GPR158: variants seen among roughly 807,000 people sequenced by gnomAD.
GPR158 encodes the protein metabotropic glycine receptor.
GPR158 carries 30 observed loss-of-function variants against 78.2 expected under a neutral mutation model. The observed-to-expected ratio is 0.38, with a 90% CI of 0.29 to 0.52. The LOEUF is 0.52. GPR158 is among the 20% of genes least tolerant of loss of function. The pLI is 0.83. For synonymous variants in GPR158, 581 were observed against 591.1 expected, an observed-to-expected ratio of 0.98 and a Z score of 0.25; for missense variants, 1,463 against 1,523.5, an observed-to-expected ratio of 0.96 and a Z score of 0.66.
intron 4 of GPR158, among the ~76,000 whole-genome samples, chr10:25,443,287 G>A (rs371754403): frequency 2.0e-5 from 3 of 152,058 alleles, no homozygotes; most frequent in Non-Finnish European, 4.4e-5. Context: ...GGTTGTAGTG[G>A]CTCATGTCTG....
intron 5 of GPR158, among the ~76,000 whole-genome samples, chr10:25,501,665 T>C (rs1835947329): frequency 6.6e-6 from 1 of 152,118 alleles, no homozygotes; most frequent in African/African-American, 2.4e-5. Flanking sequence ...CAGTGTGCGC[T>C]CAGAGAGACG....
At chr10:25,567,614 A>C (rs1422154159) in intron 6 of GPR158, among the ~76,000 whole-genome samples, 1 of 152,166 alleles carries the variant, frequency 6.6e-6, no homozygotes, top group Non-Finnish European at 1.5e-5. Flanking sequence ...AGGAAAGCTG[A>C]GGGCAAAGGC....
intron 5 of GPR158, among the ~76,000 whole-genome samples, chr10:25,474,749 G>A (rs962485470): frequency 5.3e-5 from 8 of 152,198 alleles, no homozygotes; most frequent in Admixed American, 2.0e-4. Context: ...AAATAGGCAC[G>A]GAATGAGTGA....
chr10:25,248,076 G>C lies in GPR158; in HGVS notation c.1008+26919G>C, dbSNP rs375633110. Among the ~76,000 whole-genome samples the C allele has an allele frequency of 2.0e-5, 3 of 152,132 alleles. No individual in the cohort carries two copies. The East Asian group carries it at 5.8e-4, about 29-fold the overall frequency. On this transcript the variant is annotated intron_variant, in intron 2 of 10. Coordinates refer to ENST00000376351, the MANE Select transcript of GPR158 (RefSeq NM_020752.3). ...TTTATCTGATGGCCAGTGATGATGA[G>C]CATTTTTTCATGTGTTTTTTGGCTG...
At chr10:25,530,412 T>C (rs1836408191) in intron 5 of GPR158, among the ~76,000 whole-genome samples, 1 of 152,152 alleles carries the variant, frequency 6.6e-6, no homozygotes. Context: ...AAAATATTAT[T>C]ACGGATGTAG....
At chr10:25,490,876 A>T (rs1329040950) in intron 5 of GPR158, among the ~76,000 whole-genome samples, 1 of 152,284 alleles carries the variant, frequency 6.6e-6, no homozygotes, top group Non-Finnish European at 1.5e-5. Context: ...CAGTGTGTAT[A>T]CACAAAATAA....
chr10:25,316,905 GTGTGTTTA>G (rs1301331897), intron 2 of GPR158, among the ~76,000 whole-genome samples: 11 of 95,174 alleles, frequency 1.2e-4, no homozygotes, highest in African/African-American at 6.1e-4. Flanking sequence ...GTGTGTGTGT[GTGTGTTTA>G]TGTGTGTGTG....
intron 5 of GPR158, among the ~76,000 whole-genome samples, chr10:25,494,059 A>G (rs1014477194): frequency 1.3e-5 from 2 of 152,188 alleles, no homozygotes; most frequent in African/African-American, 4.8e-5. Context: ...CATCCATAAT[A>G]AAGTCACAAA....
chr10:25,289,152 A>G (rs4749018), intron 2 of GPR158, among the ~76,000 whole-genome samples: 38 of 152,232 alleles, frequency 2.5e-4, no homozygotes, highest in Non-Finnish European at 4.4e-5. Flanking sequence ...CATTTACCCA[A>G]AAACATTTAT....
At chr10:25,240,823 A>C (rs1214616319) in intron 2 of GPR158, among the ~76,000 whole-genome samples, 1 of 152,224 alleles carries the variant, frequency 6.6e-6, no homozygotes, top group Non-Finnish European at 1.5e-5. Flanking sequence ...CTTTTGGAAG[A>C]AATTCCTTAA....
At chr10:25,367,667 C>CTT (rs5783925) in intron 2 of GPR158, among the ~76,000 whole-genome samples, 121,505 of 151,402 alleles carry the variant, frequency 0.8, 49,724 homozygotes, top group Non-Finnish European at 0.86. Context: ...TTGTTTGTCT[C>CTT]TGACCTCTTC....
chr10:25,375,305 A>G (rs1017210372), intron 2 of GPR158, among the ~76,000 whole-genome samples: 1 of 151,642 alleles, frequency 6.6e-6, no homozygotes. Context: ...GCTTGCCATC[A>G]TTTCTCCCAA....
chr10:25,373,940 A>C lies in GPR158; in HGVS notation c.1009-21971A>C, dbSNP rs548130842. Among the ~76,000 whole-genome samples, 5 of 151,746 alleles carry C rather than the reference A, an allele frequency of 3.3e-5. 1 individual carries two copies. Among genetic ancestry groups the C allele is most frequent in the African/African-American group, 9.6e-5 (4 of 41,454 alleles). The stretch of plus-strand genomic sequence containing the variant: ...TGTAATGGATATGTCATTTAGGTCA[A>C]ATTTTTTGATTAGGTTGTTCAAATC... On this transcript the variant is annotated intron_variant, in intron 2 of 10. Coordinates refer to ENST00000376351, the MANE Select transcript of GPR158 (RefSeq NM_020752.3).
At chr10:25,589,826 C>A (rs539089011) in intron 8 of GPR158, among the ~76,000 whole-genome samples, 28 of 152,082 alleles carry the variant, frequency 1.8e-4, no homozygotes, top group Non-Finnish European at 3.5e-4. Context: ...GAAAATGTAT[C>A]CCTGATTCAT....
chr10:25,271,429 TTAAA>T (rs1854117271), intron 2 of GPR158, among the ~76,000 whole-genome samples: 1 of 152,182 alleles, frequency 6.6e-6, no homozygotes, highest in South Asian at 2.1e-4. Flanking sequence ...AACTCAAGTA[TTAAA>T]TGAGTCCAAG....
intron 2 of GPR158, among the ~76,000 whole-genome samples, chr10:25,265,259 A>C (rs1442201826): frequency 6.6e-6 from 1 of 152,144 alleles, no homozygotes. Context: ...CAGAAATGCT[A>C]GGTGCCATTT....
At chr10:25,570,662 C>A (rs1013543134) in intron 6 of GPR158, among the ~76,000 whole-genome samples, 2 of 152,140 alleles carry the variant, frequency 1.3e-5, no homozygotes, top group African/African-American at 4.8e-5. Context: ...CTGTAATAAT[C>A]CCAGCACTTT....
Position 25,307,459 on chromosome 10 carries a change from C to A in GPR158, c.1008+86302C>A, listed in dbSNP as rs144632820. 2.6e-4 allele frequency among the ~76,000 whole-genome samples: 39 copies of A among 147,388 alleles called. No homozygotes were observed. The South Asian group carries it at 4.5e-3, about 17-fold the overall frequency. On this transcript the variant is annotated intron_variant, in intron 2 of 10. Transcript: ENST00000376351. The stretch of plus-strand genomic sequence containing the variant: ...AATGCAGTGGGACCATCATAGCTCA[C>A]TGCAGTGTTGCCCTCCTGGGGTCAA...
intron 2 of GPR158, among the ~76,000 whole-genome samples, chr10:25,254,825 C>T (rs1016428709): frequency 1.3e-5 from 2 of 152,120 alleles, no homozygotes; most frequent in African/African-American, 4.8e-5. Flanking sequence ...AGCAAATTAA[C>T]TTTCTCACCT....
Sources: allele counts gnomAD v4.1 joint callset (sites outside exome capture counted in the v4.1 genomes callset), GRCh38; gene constraint gnomAD v4.1.1; transcripts MANE v1.5; gene names NCBI Gene and HGNC (gene_info 2026-07-23, HGNC 2026-07-21).